Variants in SH3PXD2B observed in about 807,000 individuals in gnomAD.
SH3PXD2B encodes SH3 and PX domain-containing protein 2B.
SH3PXD2B carries 37 observed loss-of-function variants against 73.1 expected under a neutral mutation model. The observed-to-expected ratio is 0.51, with a 90% confidence interval of 0.39 to 0.67. The LOEUF is 0.67. SH3PXD2B is among the 30% of genes least tolerant of loss of function. The pLI is 0.00. For missense variants in SH3PXD2B, 1,053 were observed against 1,197.8 expected (o/e 0.88, Z 1.78); for synonymous variants, 457 against 480.5 (o/e 0.95, Z 0.64).
intron 4 of SH3PXD2B, among the ~76,000 whole-genome samples, chr5:172,392,538 G>A (rs1248400532): frequency 3.9e-5 from 6 of 151,962 alleles, no homozygotes; most frequent in South Asian, 2.1e-4. Context: ...TTGGGAGGCC[G>A]AAGTGGGTGG....
chr5:172,379,093 G>T (rs1157288837), intron 5 of SH3PXD2B, among the ~76,000 whole-genome samples: 1 of 133,646 alleles, frequency 7.5e-6, no homozygotes, highest in African/African-American at 2.8e-5. Flanking sequence ...AAAAAAAAAG[G>T]AAAGTGGCTT....
In SH3PXD2B at chr5:172,335,436, A is replaced by C. The variant is rs1252187906; in HGVS notation, c.*2933T>G. On this transcript the variant is annotated 3_prime_UTR_variant, in exon 13 of 13. Coordinates refer to ENST00000311601, the MANE Select transcript of SH3PXD2B (RefSeq NM_001017995.3). ...CACGAGGGAAAGAACAACAACAACAAAACCAAACAAACCCAAACTCGAGAT... is the reference window on the plus strand; with the variant it reads ...CACGAGGGAAAGAACAACAACAACACAACCAAACAAACCCAAACTCGAGAT... 2 of 1,184,230 alleles carry C rather than the reference A, an allele frequency of 1.7e-6. No homozygotes were observed. Among genetic ancestry groups the C allele is most frequent in the African/African-American group, 1.9e-5 (1 of 52,708 alleles). 73.4% of individuals were successfully genotyped at this position (1,184,230 alleles called of 1,614,324 possible). A position where few individuals can be genotyped will look rare whatever the true frequency, so the allele number is the denominator to read the frequency against.
Position 172,339,721 on chromosome 5 carries a change from C to G in SH3PXD2B, c.1384G>C (p.Glu462Gln). Reference protein sequence around the residue: ...AAALENNTGSEATGPSRPLPD... With the variant: ...AAALENNTGSQATGPSRPLPD... ...AGGGGCCGGGAGGGGCCCGTGGCTTCGCTGCCCGTGTTGTTCTCCAGCGCT... is the reference window on the plus strand; with the variant it reads ...AGGGGCCGGGAGGGGCCCGTGGCTTGGCTGCCCGTGTTGTTCTCCAGCGCT... Residue 462 changes from glutamate (E) to glutamine (Q), a missense_variant, in exon 13 of 13, where the codon GAA becomes CAA. Physicochemically the swap from Glu to Gln is conservative, Grantham distance 29. This residue lies in a region of SH3PXD2B where 587 missense variants were observed against 590.7 expected (regional missense o/e 0.99). Transcript: ENST00000311601. This position sits in a 1 kb window ranked among gnomAD's most constrained non-coding sequence, Gnocchi z 6.1. The G allele has an allele frequency of 6.2e-7, 1 of 1,614,170 alleles. No individual in the cohort carries two copies. Among genetic ancestry groups the G allele is most frequent in the Non-Finnish European group, 8.5e-7 (1 of 1,179,994 alleles).
At chr5:172,380,801 C>G (rs1757926119) in intron 5 of SH3PXD2B, among the ~76,000 whole-genome samples, 1 of 152,238 alleles carries the variant, frequency 6.6e-6, no homozygotes, top group Non-Finnish European at 1.5e-5. Context: ...CTTCTGTGCG[C>G]TCACTATGAG....
chr5:172,350,255 G>A (rs919514265), intron 10 of SH3PXD2B, 108 bp downstream of exon 10: 3 of 1,057,108 alleles, frequency 2.8e-6, no homozygotes, highest in African/African-American at 3.2e-5. Context: ...TGGAGGATGG[G>A]GGAGCAGCTG....
intron 1 of SH3PXD2B, among the ~76,000 whole-genome samples, chr5:172,433,984 T>C (rs1216135903): frequency 2.0e-5 from 3 of 152,092 alleles, no homozygotes; most frequent in Non-Finnish European, 2.9e-5. Flanking sequence ...ATGCAAGAAT[T>C]TGGGCACCAT....
intron 3 of SH3PXD2B, among the ~76,000 whole-genome samples, chr5:172,402,649 TG>T (rs1275388810): frequency 1.3e-5 from 2 of 152,076 alleles, no homozygotes; most frequent in African/African-American, 2.4e-5. Flanking sequence ...GGACCCACAT[TG>T]AATTATCGGG....
intron 6 of SH3PXD2B, 112 bp downstream of exon 6, chr5:172,373,678 C>T: frequency 4.9e-6 from 6 of 1,235,442 alleles, no homozygotes; most frequent in Non-Finnish European, 6.9e-6. Flanking sequence ...ACCATCCACC[C>T]ATCCACATCA....
intron 1 of SH3PXD2B, among the ~76,000 whole-genome samples, chr5:172,426,539 C>G (rs1260466182): frequency 1.3e-5 from 2 of 152,228 alleles, no homozygotes; most frequent in African/African-American, 2.4e-5. Flanking sequence ...CCTTCCCCTC[C>G]CCTCCTTTTG....
chr5:172,400,782 T>C (rs1758406080), intron 3 of SH3PXD2B, among the ~76,000 whole-genome samples: 1 of 152,264 alleles, frequency 6.6e-6, no homozygotes, highest in Non-Finnish European at 1.5e-5. Context: ...TTGTCATTTA[T>C]ACACTTGTAT....
At chr5:172,358,934 C>G (rs976007700) in intron 7 of SH3PXD2B, 57 bp from the exon 8 acceptor site, 2 of 1,499,398 alleles carry the variant, frequency 1.3e-6, no homozygotes, top group African/African-American at 2.8e-5. Context: ...GGCCGGGGGT[C>G]AGAACATAAT....
At chr5:172,328,544 C>T (rs1001839040), downstream of SH3PXD2B, among the ~76,000 whole-genome samples, 6 of 152,136 alleles carry the variant, frequency 3.9e-5, no homozygotes, top group East Asian at 1.9e-4. Context: ...TCCCTGTTCT[C>T]CTCCCCTGAG....
rs551814886 is a variant in SH3PXD2B at position 172,339,222 on chromosome 5, T to A, written c.1883A>T (p.Asp628Val). 3.5e-5 allele frequency: 56 copies of A among 1,614,240 alleles called. No individual in the cohort carries two copies. In the East Asian group the frequency reaches 8.2e-4, roughly 24 times the overall value. The change falls in exon 13 of 13, where the codon GAT becomes GTT. Residue 628 changes from aspartate to valine, a missense_variant. This residue lies in a region of SH3PXD2B where 587 missense variants were observed against 590.7 expected (regional missense o/e 0.99). Transcript: ENST00000311601. This position sits in a 1 kb window ranked among gnomAD's most constrained non-coding sequence, Gnocchi z 6.1. Reference sequence around the variant, plus strand: ...CAAGAAGGGATTCTGGGGAGTGGCATCTGGCTTCTCCTCTGGCAGGTCAGT... The same window carrying A: ...CAAGAAGGGATTCTGGGGAGTGGCAACTGGCTTCTCCTCTGGCAGGTCAGT... ...SKTDLPEEKP[D>V]ATPQNPFLKS...
chr5:172,419,432 C>CA (rs1758906085), intron 2 of SH3PXD2B, among the ~76,000 whole-genome samples: 1 of 152,192 alleles, frequency 6.6e-6, no homozygotes, highest in Non-Finnish European at 1.5e-5. Context: ...TTAGGACAAT[C>CA]AGATTCTCCC....
Position 172,333,724 on chromosome 5 carries a change from G to A in SH3PXD2B, c.*4645C>T, listed in dbSNP as rs760734596. The A allele has an allele frequency of 1.4e-5, 18 of 1,289,398 alleles. No individual in the cohort carries two copies. Among genetic ancestry groups the A allele is most frequent in the Middle Eastern group, 4.2e-4 (2 of 4,714 alleles). 79.9% of individuals were successfully genotyped at this position (1,289,398 alleles called of 1,614,324 possible). On this transcript the variant is annotated 3_prime_UTR_variant, in exon 13 of 13. Coordinates refer to ENST00000311601, the MANE Select transcript of SH3PXD2B (RefSeq NM_001017995.3). ...TAGAGTAAGTGTGGGGATCTCCAGC[G>A]TCATCCTATGAGCAGACACGAGGTG...
Position 172,362,738 on chromosome 5 carries a change from A to G in SH3PXD2B, c.559T>C (p.Ser187Pro). Residue 187 changes from serine to proline, a missense_variant, in exon 7 of 13, where the codon TCA becomes CCA. Around this residue, in one of 2 missense-constraint regions of SH3PXD2B, gnomAD observed 466 missense variants for 607.1 expected, o/e 0.77. Transcript: ENST00000311601. Reference protein sequence around the residue: ...QVVDIIEKNESGWWFVSTAEE... With the variant: ...QVVDIIEKNEPGWWFVSTAEE... Reference sequence around the variant, plus strand: ...GGGAGATGGTCTAGGTCCCCACCTGACTCATTCTTCTCGATGATGTCCACC... The same window carrying G: ...GGGAGATGGTCTAGGTCCCCACCTGGCTCATTCTTCTCGATGATGTCCACC... The G allele has an allele frequency of 1.2e-6, 2 of 1,613,792 alleles. No homozygotes were observed. The highest frequency in any genetic ancestry group is 1.7e-6 in the Non-Finnish European group (2 of 1,179,968).
chr5:172,362,760 C>T lies in SH3PXD2B; in HGVS notation c.537G>A (p.Val179=). ...SEISLSVGQV[V]DIIEKNESGW... ...CTGACTCATTCTTCTCGATGATGTC[C>T]ACCACCTGCCCCACGCTGAGGCTGA... Residue 179 remains valine (V), a synonymous_variant, in exon 7 of 13, where the codon GTG becomes GTA. Transcript: ENST00000311601. 2 of 1,614,108 alleles carry T rather than the reference C, an allele frequency of 1.2e-6. No individual in the cohort carries two copies. The highest frequency in any genetic ancestry group is 1.7e-6 in the Non-Finnish European group (2 of 1,180,018).
At position 172,445,445 on chromosome 5, in the gene SH3PXD2B, A is replaced by T. The variant is rs1240823846; in HGVS notation, c.75+8833T>A. 6.6e-6 allele frequency among the ~76,000 whole-genome samples: 1 copy of T among 152,110 alleles called. No individual in the cohort carries two copies. Among genetic ancestry groups the T allele is most frequent in the Non-Finnish European group, 1.5e-5 (1 of 68,012 alleles). ...GGCTGGTATTGAACTCCTGGGCTCA[A>T]GCGATCTTCTCGCCTCAGCCTCCCA... On this transcript the variant is annotated intron_variant, in intron 1 of 12. Coordinates refer to ENST00000311601, the MANE Select transcript of SH3PXD2B (RefSeq NM_001017995.3). This position sits in a 1 kb window ranked among gnomAD's most constrained non-coding sequence, Gnocchi z 5.2.
chr5:172,420,278 A>C (rs1472750001), intron 2 of SH3PXD2B, among the ~76,000 whole-genome samples: 1 of 152,274 alleles, frequency 6.6e-6, no homozygotes, highest in African/African-American at 2.4e-5. Flanking sequence ...ATATTATTGC[A>C]TACTGAACAC....
Sources: allele counts gnomAD v4.1 joint callset (sites outside exome capture counted in the v4.1 genomes callset), GRCh38; gene constraint gnomAD v4.1.1; regional missense constraint gnomAD v4.1.1; non-coding constraint Gnocchi (gnomAD v3.1); transcripts MANE v1.5; gene names NCBI Gene and HGNC (gene_info 2026-07-23, HGNC 2026-07-21).